Variants in KIAA0586 observed in about 807,000 individuals in gnomAD.
KIAA0586 encodes the protein protein TALPID3.
A neutral mutation model predicts 169.8 loss-of-function variants in KIAA0586; 144 were observed. The observed-to-expected ratio is 0.85, with a 90% CI of 0.74 to 0.97. The LOEUF (loss-of-function observed/expected upper bound fraction) is 0.97. Ranked by LOEUF, KIAA0586 falls within the 50% of genes least tolerant of loss-of-function variation. The pLI, the probability that KIAA0586 is intolerant of heterozygous loss-of-function variation, is 0.00. For synonymous variants in KIAA0586, 625 were observed against 612.4 expected (o/e 1.02, Z -0.30); for missense variants, 1,854 against 1,823.0 (o/e 1.02, Z -0.31).
intron 29 of KIAA0586, among the ~76,000 whole-genome samples, chr14:58,524,371 T>G (rs1412864457): frequency 6.6e-6 from 1 of 152,244 alleles, no homozygotes. Flanking sequence ...TCTAATACAG[T>G]ATTCCTCAAA....
chr14:58,533,083 T>A (rs1401483979), intron 29 of KIAA0586, among the ~76,000 whole-genome samples: 4 of 152,110 alleles, frequency 2.6e-5, no homozygotes, highest in Non-Finnish European at 5.9e-5. Flanking sequence ...CCTAATGGAG[T>A]CAGAAAAAAC....
At chr14:58,511,735 A>T (rs528475543) in intron 28 of KIAA0586, among the ~76,000 whole-genome samples, 1 of 152,300 alleles carries the variant, frequency 6.6e-6, no homozygotes, top group South Asian at 2.1e-4. Context: ...CCCTAGATAA[A>T]GAGGATGCCT....
chr14:58,487,865 C>G (rs1362512420), intron 22 of KIAA0586, 22 bp from the exon 23 acceptor site: 4 of 1,401,962 alleles, frequency 2.9e-6, no homozygotes, highest in Non-Finnish European at 3.8e-6. Flanking sequence ...CTTTTTCTGT[C>G]CTTTTAAAAA....
chr14:58,434,136 C>T (rs141442495), intron 4 of KIAA0586, among the ~76,000 whole-genome samples: 8 of 152,178 alleles, frequency 5.3e-5, no homozygotes, highest in African/African-American at 1.7e-4. Context: ...TCTAGAAGTA[C>T]GTCAGTGTAA....
chr14:58,487,307 A>T, intron 22 of KIAA0586, 141 bp downstream of exon 22: 2 of 759,960 alleles, frequency 2.6e-6, no homozygotes, highest in Non-Finnish European at 4.1e-6. Flanking sequence ...GCGACTTCTT[A>T]AAAGTCTATA....
chr14:58,470,646 A>G lies in KIAA0586; in HGVS notation c.2476A>G (p.Asn826Asp), dbSNP rs763982126. 1 of 1,608,614 alleles carries G rather than the reference A, an allele frequency of 6.2e-7. No individual in the cohort carries two copies. The highest frequency in any genetic ancestry group is 1.7e-5 in the Admixed American group (1 of 59,966). ...CAGTGTAGATATTGACAGCATTTCA[A>G]ATAGTAGTGCTGATGTCCTTTCACC... ...LPSVDIDSIS[N>D]SSADVLSPLS... The change falls in exon 17 of 31, where the codon AAT becomes GAT. Residue 826 changes from asparagine to aspartate, a missense_variant. Transcript: ENST00000652326.
At position 58,484,924 on chromosome 14, in the gene KIAA0586, A is replaced by ATATAAATATATATTTTTTTT. The variant is rs1566877360; in HGVS notation, c.3145-2082_3145-2081insATAAATATATATTTTTTTTT. Reference sequence around the variant, plus strand: ...TATATATATATATATATATATATATATTTTTTTTTTTTTTTTTTTTTTTTT... The same window carrying ATATAAATATATATTTTTTTT: ...TATATATATATATATATATATATATATATAAATATATATTTTTTTTTTTTTTTTTTTTTTTTTTTTTTTTT... On this transcript the variant is annotated intron_variant, in intron 21 of 30. Coordinates refer to ENST00000652326, the MANE Select transcript of KIAA0586 (RefSeq NM_001329943.3). Among the ~76,000 whole-genome samples the ATATAAATATATATTTTTTTT allele has an allele frequency of 2.3e-4, 3 of 13,048 alleles. 1 individual carries two copies. The highest frequency in any genetic ancestry group is 4.0e-4 in the Non-Finnish European group (3 of 7,520). 8.6% of individuals were successfully genotyped at this position (13,048 alleles called of 152,430 possible).
chr14:58,494,265 T>C (rs2043012995), intron 26 of KIAA0586, among the ~76,000 whole-genome samples: 2 of 151,984 alleles, frequency 1.3e-5, no homozygotes, highest in African/African-American at 4.8e-5. Context: ...TATTAATTTG[T>C]TCTCTGCTAT....
intron 9 of KIAA0586, among the ~76,000 whole-genome samples, chr14:58,454,525 A>G (rs2039664263): frequency 6.6e-6 from 1 of 152,212 alleles, no homozygotes; most frequent in Non-Finnish European, 1.5e-5. Context: ...ATATGGATTC[A>G]AGTTAGCCCA....
intron 8 of KIAA0586, among the ~76,000 whole-genome samples, chr14:58,451,598 C>T (rs2039394445): frequency 6.6e-6 from 1 of 152,082 alleles, no homozygotes; most frequent in African/African-American, 2.4e-5. Flanking sequence ...GAGCATGCTT[C>T]CTCATATTGT....
At chr14:58,448,808 T>C (rs971593252) in intron 7 of KIAA0586, among the ~76,000 whole-genome samples, 2 of 152,132 alleles carry the variant, frequency 1.3e-5, no homozygotes, top group Non-Finnish European at 2.9e-5. Flanking sequence ...GAAGCACTTA[T>C]AAATTTAGAA....
Position 58,513,609 on chromosome 14 carries a change from T to C in KIAA0586, c.4429+982T>C, listed in dbSNP as rs368815322. Among the ~76,000 whole-genome samples, 7 of 151,896 alleles carry C rather than the reference T, an allele frequency of 4.6e-5. No homozygotes were observed. The East Asian group carries it at 1.4e-3, about 29-fold the overall frequency. On this transcript the variant is annotated intron_variant, in intron 29 of 30. Coordinates refer to ENST00000652326, the MANE Select transcript of KIAA0586 (RefSeq NM_001329943.3). ...TTTTTTTAACCTCACCATAGTACGT[T>C]AATATTAATGTACTATGGAAAATAC...
At chr14:58,431,773 G>A (rs1450321787) in intron 3 of KIAA0586, among the ~76,000 whole-genome samples, 3 of 152,084 alleles carry the variant, frequency 2.0e-5, no homozygotes, top group Non-Finnish European at 4.4e-5. Flanking sequence ...TCTCCTTGTA[G>A]AGATCTTTCA....
At chr14:58,514,726 T>C (rs566204841) in intron 29 of KIAA0586, among the ~76,000 whole-genome samples, 6 of 152,168 alleles carry the variant, frequency 3.9e-5, no homozygotes, top group African/African-American at 1.4e-4. Flanking sequence ...GAGTAAAACC[T>C]TTTAATTTGG....
chr14:58,490,078 T>A, intron 24 of KIAA0586, 86 bp from the exon 25 acceptor site: 1 of 639,498 alleles, frequency 1.6e-6, no homozygotes, highest in Non-Finnish European at 2.6e-6. Flanking sequence ...TAATTTTGAA[T>A]CTAATATGCT....
chr14:58,485,606 G>A (rs1382679768), intron 21 of KIAA0586, among the ~76,000 whole-genome samples: 1 of 152,160 alleles, frequency 6.6e-6, no homozygotes. Context: ...TGATAACTCT[G>A]AGGAAGGGCT....
At chr14:58,530,089 T>C (rs2045863165) in intron 29 of KIAA0586, among the ~76,000 whole-genome samples, 1 of 152,130 alleles carries the variant, frequency 6.6e-6, no homozygotes, top group South Asian at 2.1e-4. Context: ...TGAACTCCCA[T>C]TCACAACTGC....
intron 9 of KIAA0586, among the ~76,000 whole-genome samples, chr14:58,456,326 A>G (rs2039847734): frequency 6.6e-6 from 1 of 152,152 alleles, no homozygotes; most frequent in South Asian, 2.1e-4. Context: ...CAGAGGTTAG[A>G]AAAACTTGAT....
At chr14:58,479,176 C>T (rs1428128181) in intron 20 of KIAA0586, among the ~76,000 whole-genome samples, 1 of 152,196 alleles carries the variant, frequency 6.6e-6, no homozygotes, top group East Asian at 1.9e-4. Flanking sequence ...CACATCCTCC[C>T]CAACACTTGG....
Sources: allele counts gnomAD v4.1 joint callset (sites outside exome capture counted in the v4.1 genomes callset), GRCh38; gene constraint gnomAD v4.1.1; transcripts MANE v1.5; gene names NCBI Gene and HGNC (gene_info 2026-07-23, HGNC 2026-07-21).